CLDN18: variants seen among roughly 807,000 people sequenced by gnomAD.
CLDN18 encodes the protein claudin 18, also known as claudin-18.
A neutral mutation model predicts 25.0 loss-of-function variants in CLDN18; 20 were observed. The ratio of observed to expected loss-of-function variants is 0.80; its 90% CI spans 0.56 to 1.16. The LOEUF (loss-of-function observed/expected upper bound fraction) is 1.16. Among genes scored for constraint, CLDN18 ranks in the 50% most tolerant of loss-of-function variants. The probability of loss-of-function intolerance (pLI) is 0.00; values close to 1 mark genes in which losing one functional copy is unlikely to be tolerated. For synonymous variants in CLDN18, 125 were observed against 135.6 expected (o/e 0.92, Z 0.54); for missense variants, 297 against 345.4 (o/e 0.86, Z 1.11).
chr3:138,001,132 G>A (rs981431703), intron 1 of CLDN18, among the ~76,000 whole-genome samples: 1 of 152,196 alleles, frequency 6.6e-6, no homozygotes, highest in Non-Finnish European at 1.5e-5. Flanking sequence ...TGAGTAACTT[G>A]CCCAAGGACA....
Position 138,010,414 on chromosome 3 carries a change from C to T in CLDN18, c.189C>T (p.Cys63=). ...CVRQSSGFTE[C]RPYFTILGLP... is the part of the protein sequence containing the mutation. ...GGCAGAGTTCAGGCTTCACCGAATG[C>T]AGGCCCTATTTCACCATCCTGGGAC... The change falls in exon 1 of 5, where the codon TGC becomes TGT. Residue 63 remains cysteine, a synonymous_variant. Coordinates refer to ENST00000183605, the MANE Select transcript of CLDN18 (RefSeq NM_016369.4). 1.2e-6 allele frequency: 2 copies of T among 1,614,230 alleles called. No homozygotes were observed. Among genetic ancestry groups the T allele is most frequent in the Non-Finnish European group, 1.7e-6 (2 of 1,180,034 alleles).
chr3:138,026,272 C>T (rs1421039206), intron 3 of CLDN18, among the ~76,000 whole-genome samples: 2 of 152,224 alleles, frequency 1.3e-5, no homozygotes, highest in South Asian at 4.1e-4. Flanking sequence ...AACTGCCTGC[C>T]CTCACACTGT....
At chr3:138,003,390 T>C (rs1942038287) in intron 1 of CLDN18, among the ~76,000 whole-genome samples, 1 of 152,100 alleles carries the variant, frequency 6.6e-6, no homozygotes, top group South Asian at 2.1e-4. Context: ...CAGATATGAA[T>C]TACCCAAGAA....
upstream of CLDN18, among the ~76,000 whole-genome samples, chr3:138,009,587 T>C (rs1300358505): frequency 6.6e-6 from 1 of 152,164 alleles, no homozygotes; most frequent in Non-Finnish European, 1.5e-5. Context: ...GCCCCACCCC[T>C]GCCGTTTTTA....
At position 138,003,852 on chromosome 3, in the gene CLDN18, G is replaced by A. The variant is rs149056605; in HGVS notation, c.220+4764G>A. 9.8e-3 allele frequency among the ~76,000 whole-genome samples: 1,493 copies of A among 152,230 alleles called. 61 individuals carry two copies. The highest frequency in any genetic ancestry group is 0.079 in the Admixed American group (1,208 of 15,288). On this transcript the variant is annotated intron_variant, in intron 1 of 4. Coordinates refer to the CLDN18 transcript ENST00000343735. ...TTTTTAAAGAAATTAATATATGCCT[G>A]TATTAATATACATAACTTATATAAT...
chr3:138,003,717 GATA>G (rs1942040939), intron 1 of CLDN18, among the ~76,000 whole-genome samples: 2 of 152,062 alleles, frequency 1.3e-5, no homozygotes, highest in African/African-American at 4.8e-5. Context: ...AATGTGTAAT[GATA>G]ATAATAATAG....
chr3:138,007,706 G>C (rs1942084740), upstream of CLDN18, among the ~76,000 whole-genome samples: 1 of 152,070 alleles, frequency 6.6e-6, no homozygotes, highest in African/African-American at 2.4e-5. Flanking sequence ...TTTAAAATGA[G>C]GATTAAAAAG....
In CLDN18 at chr3:138,031,192, C is replaced by CA. The variant is rs778117984; in HGVS notation, c.*57dup. The CA allele has an allele frequency of 2.7e-6, 4 of 1,456,808 alleles. No homozygotes were observed. The highest frequency in any genetic ancestry group is 2.8e-6 in the Non-Finnish European group (3 of 1,081,936). The allele number at this position is 1,456,808 out of a possible 1,614,324, so 90.2% of individuals were successfully genotyped here. ...GGAAGAAACTCCCGGAGAGCTCACCCAAAAAACAAGGAGATCCCATCTAGA... is the reference window on the plus strand; with the variant it reads ...GGAAGAAACTCCCGGAGAGCTCACCCAAAAAAACAAGGAGATCCCATCTAGA... On this transcript the variant is annotated 3_prime_UTR_variant, in exon 5 of 5. Coordinates refer to ENST00000183605, the MANE Select transcript of CLDN18 (RefSeq NM_016369.4).
At chr3:138,015,940 A>C (rs967702117) in intron 1 of CLDN18, among the ~76,000 whole-genome samples, 16 of 152,272 alleles carry the variant, frequency 1.1e-4, no homozygotes, top group Middle Eastern at 6.8e-3. Context: ...TAATGAGGTA[A>C]ATGGTGGTGG....
intron 1 of CLDN18, among the ~76,000 whole-genome samples, chr3:138,020,374 G>A (rs1942256792): frequency 6.6e-6 from 1 of 152,186 alleles, no homozygotes; most frequent in African/African-American, 2.4e-5. Context: ...GAGATCAATG[G>A]GATAGAACTA....
chr3:138,005,637 T>C (rs1942061057), upstream of CLDN18, among the ~76,000 whole-genome samples: 2 of 152,214 alleles, frequency 1.3e-5, no homozygotes, highest in Non-Finnish European at 2.9e-5. Flanking sequence ...CAAGTAATCA[T>C]ATACATATAT....
intron 3 of CLDN18, among the ~76,000 whole-genome samples, chr3:138,029,111 G>T (rs1192299095): frequency 6.6e-6 from 1 of 152,150 alleles, no homozygotes; most frequent in Non-Finnish European, 1.5e-5. Flanking sequence ...CCCATACTGA[G>T]AACTCAAAGA....
At chr3:138,025,149 C>G (rs1942312064) in intron 3 of CLDN18, among the ~76,000 whole-genome samples, 1 of 152,192 alleles carries the variant, frequency 6.6e-6, no homozygotes, top group East Asian at 1.9e-4. Context: ...AAGTGATGTT[C>G]CTTCCTGGTA....
chr3:138,027,334 C>A (rs982967586), intron 3 of CLDN18, among the ~76,000 whole-genome samples: 6 of 152,194 alleles, frequency 3.9e-5, no homozygotes, highest in African/African-American at 1.4e-4. Flanking sequence ...GAAATATGTT[C>A]TTCTATCTAG....
upstream of CLDN18, among the ~76,000 whole-genome samples, chr3:138,006,981 G>A (rs956109003): frequency 6.6e-6 from 1 of 152,140 alleles, no homozygotes; most frequent in Non-Finnish European, 1.5e-5. Flanking sequence ...GGGAAACTGG[G>A]GGGGGAATTG....
At position 138,029,841 on chromosome 3, in the gene CLDN18, G is replaced by T; in HGVS notation, c.548G>T (p.Gly183Val). The change falls in exon 4 of 5, where the codon GGC becomes GTC. Residue 183 changes from glycine to valine, a missense_variant. Physicochemically the swap from Gly to Val is moderately radical, Grantham distance 109 (BLOSUM62 -3). Transcript: ENST00000183605. ...CTGTTCGTGGGCTGGGTCGCTGGAG[G>T]CCTCACACTAATTGGGGGTGTGATG... ...AALFVGWVAG[G>V]LTLIGGVMMC... The T allele has an allele frequency of 6.3e-7, 1 of 1,595,740 alleles. No individual in the cohort carries two copies. The highest frequency in any genetic ancestry group is 8.5e-7 in the Non-Finnish European group (1 of 1,172,132).
At chr3:138,028,277 C>T (rs541807942) in intron 3 of CLDN18, among the ~76,000 whole-genome samples, 3 of 152,234 alleles carry the variant, frequency 2.0e-5, no homozygotes, top group African/African-American at 7.2e-5. Context: ...GCTGGCCAGG[C>T]TGGTCTCAAA....
At chr3:138,028,330 G>T (rs1942351297) in intron 3 of CLDN18, among the ~76,000 whole-genome samples, 1 of 152,222 alleles carries the variant, frequency 6.6e-6, no homozygotes. Flanking sequence ...CTCCCAAAGT[G>T]CTGGGATTAT....
At chr3:138,029,941 T>A (rs1301029682) in intron 4 of CLDN18, 34 bp downstream of exon 4, 1 of 1,339,198 alleles carries the variant, frequency 7.5e-7, no homozygotes, top group East Asian at 2.4e-5. Context: ...ACCAGACGTT[T>A]TATTTGTTCA....
Sources: allele counts gnomAD v4.1 joint callset (sites outside exome capture counted in the v4.1 genomes callset), GRCh38; gene constraint gnomAD v4.1.1; transcripts MANE v1.5; gene names NCBI Gene and HGNC (gene_info 2026-07-23, HGNC 2026-07-21).